The following EYS variants were observed in gnomAD, a reference collection of about 807,000 sequenced individuals.
The protein encoded by EYS is EGF-like photoreceptor maintenance factor.
EYS carries 250 observed loss-of-function variants against 282.1 expected under a neutral mutation model. The observed-to-expected ratio is 0.89, with a 90% confidence interval of 0.80 to 0.98. The LOEUF (loss-of-function observed/expected upper bound fraction) is 0.98. Ranked by LOEUF, EYS falls within the 50% of genes least tolerant of loss-of-function variation. The pLI is 0.00. For missense variants in EYS, 4,016 were observed against 3,709.0 expected, an observed-to-expected ratio of 1.08 and a Z score of -2.15; for synonymous variants, 1,355 against 1,282.9, an observed-to-expected ratio of 1.06 and a Z score of -1.20.
At chr6:64,061,458 C>A (rs1408352311) in intron 33 of EYS, among the ~76,000 whole-genome samples, 1 of 152,160 alleles carries the variant, frequency 6.6e-6, no homozygotes, top group Non-Finnish European at 1.5e-5. Context: ...ACCTGTAGAA[C>A]TGTGATCTCT....
At chr6:65,360,480 T>C (rs1764661465) in intron 8 of EYS, among the ~76,000 whole-genome samples, 1 of 152,096 alleles carries the variant, frequency 6.6e-6, no homozygotes, top group East Asian at 1.9e-4. Flanking sequence ...AAAGCTGGCC[T>C]ATTTTGGCTC....
intron 33 of EYS, among the ~76,000 whole-genome samples, chr6:64,058,112 TA>T (rs1258180831): frequency 6.6e-6 from 1 of 152,130 alleles, no homozygotes; most frequent in Non-Finnish European, 1.5e-5. Flanking sequence ...TGATAGCAAA[TA>T]AGTCTCAGGA....
chr6:64,946,508 A>C (rs1769293055), intron 14 of EYS, among the ~76,000 whole-genome samples: 1 of 151,702 alleles, frequency 6.6e-6, no homozygotes, highest in Non-Finnish European at 1.5e-5. Context: ...CAAACAAAAG[A>C]AACACTTTAA....
At chr6:64,296,741 G>A (rs1439024406) in intron 30 of EYS, among the ~76,000 whole-genome samples, 1 of 151,188 alleles carries the variant, frequency 6.6e-6, no homozygotes, top group Non-Finnish European at 1.5e-5. Context: ...CGAGTAGCTG[G>A]GACTACAGGT....
At chr6:64,726,928 CAG>C (rs1427238433) in intron 22 of EYS, among the ~76,000 whole-genome samples, 1 of 152,132 alleles carries the variant, frequency 6.6e-6, no homozygotes, top group African/African-American at 2.4e-5. Flanking sequence ...GAACCTCACA[CAG>C]AGAAAAATTG....
At chr6:64,610,533 AGTT>A (rs1256297475) in intron 24 of EYS, among the ~76,000 whole-genome samples, 1 of 150,176 alleles carries the variant, frequency 6.7e-6, no homozygotes, top group Admixed American at 6.7e-5. Flanking sequence ...CCTCTCCAGT[AGTT>A]GGGATTACTG....
chr6:65,619,760 T>C (rs1436172648), intron 2 of EYS, among the ~76,000 whole-genome samples: 6 of 151,490 alleles, frequency 4.0e-5, no homozygotes, highest in African/African-American at 1.4e-4. Flanking sequence ...GTTTTTAGCA[T>C]GAAGGGTTGT....
intron 1 of EYS, among the ~76,000 whole-genome samples, chr6:65,679,311 T>G (rs1414372123): frequency 6.6e-6 from 1 of 151,996 alleles, no homozygotes; most frequent in Admixed American, 6.6e-5. Flanking sequence ...TGTATGTGTG[T>G]GCATGTGTGT....
At chr6:64,587,173 G>A (rs1766259398) in intron 26 of EYS, among the ~76,000 whole-genome samples, 1 of 152,034 alleles carries the variant, frequency 6.6e-6, no homozygotes, top group African/African-American at 2.4e-5. Flanking sequence ...ATCGCAAGAG[G>A]TTGCTCAGAG....
chr6:64,720,103 GAGGGCATAGGGCTACTA>G (rs1386464828), intron 22 of EYS, among the ~76,000 whole-genome samples: 1 of 152,152 alleles, frequency 6.6e-6, no homozygotes. Flanking sequence ...CAATGTATCA[GAGGGCATAGGGCTACTA>G]CTGGAGGCAC....
At chr6:65,302,532 AAGG>A (rs1423859361) in intron 11 of EYS, 2 of 900,114 alleles carry the variant, frequency 2.2e-6, no homozygotes, top group African/African-American at 3.3e-5. Context: ...ATGCCTAATC[AAGG>A]AGAAGACTGC....
At chr6:65,666,753 A>G (rs1379155089) in intron 1 of EYS, among the ~76,000 whole-genome samples, 1 of 151,538 alleles carries the variant, frequency 6.6e-6, no homozygotes, top group Admixed American at 6.6e-5. Context: ...AAATAAAGTA[A>G]TATCAGCATC....
intron 26 of EYS, among the ~76,000 whole-genome samples, chr6:64,556,615 G>C (rs1368467979): frequency 6.6e-6 from 1 of 151,804 alleles, no homozygotes; most frequent in African/African-American, 2.4e-5. Context: ...GAATTATACT[G>C]TATAAACTTA....
chr6:64,924,940 T>A (rs1406042153), intron 15 of EYS, among the ~76,000 whole-genome samples: 1 of 152,170 alleles, frequency 6.6e-6, no homozygotes, highest in East Asian at 1.9e-4. Context: ...TGTTCCAACC[T>A]CTGACTATTA....
chr6:64,513,936 T>C (rs1039416935), intron 26 of EYS, among the ~76,000 whole-genome samples: 3 of 151,882 alleles, frequency 2.0e-5, no homozygotes, highest in African/African-American at 7.2e-5. Context: ...TGACCACTGC[T>C]GTACTATGGA....
chr6:65,392,390 C>T (rs187195093), intron 7 of EYS, among the ~76,000 whole-genome samples: 1 of 152,106 alleles, frequency 6.6e-6, no homozygotes, highest in Non-Finnish European at 1.5e-5. Context: ...AGGCAAGCAA[C>T]AAAATGGGAG....
At chr6:63,878,317 T>C (rs1773034133) in intron 35 of EYS, among the ~76,000 whole-genome samples, 2 of 152,334 alleles carry the variant, frequency 1.3e-5, no homozygotes, top group South Asian at 4.1e-4. Flanking sequence ...CAGATGTTGC[T>C]GCCTGATCCT....
At chr6:64,866,076 T>C (rs562309124) in intron 19 of EYS, among the ~76,000 whole-genome samples, 33 of 152,154 alleles carry the variant, frequency 2.2e-4, no homozygotes, top group Admixed American at 2.1e-3. Flanking sequence ...TGTCTATTTT[T>C]TGATTCTCAT....
intron 12 of EYS, among the ~76,000 whole-genome samples, chr6:65,239,137 G>A (rs915707326): frequency 6.6e-6 from 1 of 151,928 alleles, no homozygotes; most frequent in African/African-American, 2.4e-5. Flanking sequence ...AAATTAGTCT[G>A]CAGAATGAAA....
Sources: allele counts gnomAD v4.1 joint callset (sites outside exome capture counted in the v4.1 genomes callset), GRCh38; gene constraint gnomAD v4.1.1; transcripts MANE v1.5; gene names NCBI Gene and HGNC (gene_info 2026-07-23, HGNC 2026-07-21).